NKTR: variants seen among roughly 807,000 people sequenced by gnomAD.
The protein encoded by NKTR is NK-tumor recognition protein.
In NKTR, 67 loss-of-function variants were observed where a neutral mutation model predicts 156.3. The ratio of observed to expected loss-of-function variants is 0.43; its 90% CI spans 0.35 to 0.53. The LOEUF is 0.53. Among genes scored for constraint, NKTR ranks in the 20% least tolerant of loss-of-function variants. The pLI, the probability that NKTR is intolerant of heterozygous loss-of-function variation, is 0.01. For missense variants in NKTR, 1,604 were observed against 1,730.9 expected (o/e 0.93, Z 1.30); for synonymous variants, 640 against 596.6 (o/e 1.07, Z -1.06).
chr3:42,639,607 G>C lies in NKTR; in HGVS notation c.3903G>C (p.Gln1301His). Residue 1301 changes from glutamine (Q) to histidine (H), a missense_variant, in exon 13 of 17, where the codon CAG becomes CAC. Coordinates refer to ENST00000232978, the MANE Select transcript of NKTR (RefSeq NM_005385.4). ...ATCAGGAGAGTTCAAGTGATGAGCA[G>C]ACGCCTAGTCGGGATGATGATAGCC... ...PRNQESSSDE[Q>H]TPSRDDDSQS... 6.2e-7 allele frequency: 1 copy of C among 1,614,230 alleles called. No homozygotes were observed. Among genetic ancestry groups the C allele is most frequent in the Non-Finnish European group, 8.5e-7 (1 of 1,180,038 alleles).
chr3:42,607,969 C>CTT lies in NKTR; in HGVS notation c.58+6947_58+6948dup, dbSNP rs201803926. On this transcript the variant is annotated intron_variant, in intron 2 of 16. Transcript: ENST00000232978. ...TGCCAATCGCAAGTCCTGAGTCGCT[C>CTT]TTTTTTTTTTTTTTTTTTTTTTTTT... Among the ~76,000 whole-genome samples, 178 of 74,850 alleles carry CTT rather than the reference C, an allele frequency of 2.4e-3. 4 individuals are homozygous for CTT. Among genetic ancestry groups the CTT allele is most frequent in the Middle Eastern group, 9.4e-3 (1 of 106 alleles). 49.1% of individuals were successfully genotyped at this position (74,850 alleles called of 152,430 possible).
rs966684326 is a variant in NKTR, at chr3:42,628,649, G to A, written c.375-1897G>A. The A allele has an allele frequency of 1.0e-5, 10 of 985,322 alleles. No homozygotes were observed. The South Asian group carries it at 2.3e-4, about 23-fold the overall frequency. The allele number at this position is 985,322 out of a possible 1,614,324, so 61.0% of individuals were successfully genotyped here. On this transcript the variant is annotated intron_variant, in intron 6 of 16. Coordinates refer to ENST00000232978, the MANE Select transcript of NKTR (RefSeq NM_005385.4). The stretch of plus-strand genomic sequence containing the variant: ...GTATCTAATCAGGAAACCATACATC[G>A]TTTTTACTTCTAAATATTTGGGGCT...
At chr3:42,625,428 G>T (rs1708285823) in intron 6 of NKTR, among the ~76,000 whole-genome samples, 1 of 146,314 alleles carries the variant, frequency 6.8e-6, no homozygotes, top group South Asian at 2.2e-4. Context: ...TAGGGCAATG[G>T]GGGGGCGGGG....
intron 5 of NKTR, chr3:42,620,644 T>A: frequency 1.0e-6 from 1 of 982,136 alleles, no homozygotes; most frequent in Non-Finnish European, 1.2e-6. Flanking sequence ...AAAGGACATA[T>A]AAGTTAGTTT....
rs1391057186 is a variant in NKTR at position 42,646,860 on chromosome 3, T to TG, written c.*891dup. 13 of 152,450 alleles carry TG rather than the reference T, an allele frequency of 8.5e-5. No individual in the cohort carries two copies. Among genetic ancestry groups the TG allele is most frequent in the African/African-American group, 2.9e-4 (12 of 41,430 alleles). 9.4% of individuals were successfully genotyped at this position (152,450 alleles called of 1,614,324 possible). A position where few individuals can be genotyped will look rare whatever the true frequency, so the allele number is the denominator to read the frequency against. On this transcript the variant is annotated 3_prime_UTR_variant, in exon 17 of 17. Transcript: ENST00000232978. The stretch of plus-strand genomic sequence containing the variant: ...CTGAGCTGTCTTCACTTTGACTATT[T>TG]GGGGGGCTTCTCTCAAGTACAGATG...
intron 14 of NKTR, 73 bp from the exon 15 acceptor site, chr3:42,643,266 A>G (rs1710049561): frequency 8.5e-7 from 1 of 1,170,778 alleles, no homozygotes; most frequent in East Asian, 2.4e-5. Flanking sequence ...GGGCAAATAA[A>G]TGTCTAGATA....
rs1433076475 is a variant in NKTR at position 42,637,105 on chromosome 3, C to A, written c.1401C>A (p.Ser467=). The A allele has an allele frequency of 1.9e-6, 3 of 1,606,930 alleles. No individual in the cohort carries two copies. The highest frequency in any genetic ancestry group is 1.7e-6 in the Non-Finnish European group (2 of 1,177,962). Reference sequence around the variant, plus strand: ...TTCTTATACCGTCTGACATAGAATCCTCAAAATCTTCCACTCGAAGAATGA... The same window carrying A: ...TTCTTATACCGTCTGACATAGAATCATCAAAATCTTCCACTCGAAGAATGA... The part of the protein sequence containing the change: ...RRILIPSDIE[S]SKSSTRRMKS... Residue 467 remains serine (S), a synonymous_variant, in exon 13 of 17, where the codon TCC becomes TCA. Coordinates refer to ENST00000232978, the MANE Select transcript of NKTR (RefSeq NM_005385.4).
chr3:42,628,183 GTA>G, intron 6 of NKTR: 1 of 985,324 alleles, frequency 1.0e-6, no homozygotes, highest in South Asian at 4.7e-5. Context: ...TTATATTTCT[GTA>G]TCTTGAGTTG....
Position 42,642,515 on chromosome 3 carries a change from C to G in NKTR, c.4061C>G (p.Ser1354Cys). 6.2e-7 allele frequency: 1 copy of G among 1,613,242 alleles called. No individual in the cohort carries two copies. The highest frequency in any genetic ancestry group is 8.5e-7 in the Non-Finnish European group (1 of 1,179,202). The change falls in exon 14 of 17, where the codon TCT (serine) becomes TGT (cysteine). Residue 1354 changes from serine (S) to cysteine (C), a missense_variant. Coordinates refer to ENST00000232978, the MANE Select transcript of NKTR (RefSeq NM_005385.4). ...TTTAATTGTAGATCAAGAAGCTACT[C>G]TAGAAGTCGGAGCAGAGGATGGTAC... Reference protein sequence around the residue: ...STSSYRSRSYSRSRSRGWYSR... With the variant: ...STSSYRSRSYCRSRSRGWYSR...
Position 42,631,165 on chromosome 3 carries a change from T to C in NKTR, c.405-6T>C, listed in dbSNP as rs759709399. ...CCAGTTGTTTCTTGAATTTGTATTA[T>C]GACAGGGTGCATGTAGTCTTTGGAC... On this transcript the variant is annotated splice_polypyrimidine_tract_variant and splice_region_variant and intron_variant, in intron 7 of 16. Transcript: ENST00000232978. 10 of 1,613,358 alleles carry C rather than the reference T, an allele frequency of 6.2e-6. No homozygotes were observed. The Middle Eastern group carries it at 8.2e-4, about 133-fold the overall frequency.
intron 2 of NKTR, 133 bp from the exon 3 acceptor site, chr3:42,617,437 C>T: frequency 1.8e-6 from 1 of 566,098 alleles, no homozygotes. Flanking sequence ...AATGCTTTCC[C>T]ATTACATCTT....
At chr3:42,600,946 G>C in intron 1 of NKTR, 38 bp from the exon 2 acceptor site, 3 of 1,159,148 alleles carry the variant, frequency 2.6e-6, no homozygotes, top group Non-Finnish European at 3.5e-6. Context: ...CCCCGCCCTC[G>C]CCCCTGCCCT....
Position 42,633,407 on chromosome 3 carries a change from T to G in NKTR, c.774-173T>G, listed in dbSNP as rs1312986020. 12 of 1,373,494 alleles carry G rather than the reference T, an allele frequency of 8.7e-6. 1 individual carries two copies. The highest frequency in any genetic ancestry group is 1.0e-5 in the Non-Finnish European group (11 of 1,066,406). 85.1% of individuals were successfully genotyped at this position (1,373,494 alleles called of 1,614,324 possible). On this transcript the variant is annotated intron_variant, in intron 9 of 16. Coordinates refer to ENST00000232978, the MANE Select transcript of NKTR (RefSeq NM_005385.4). ...AATTTTCCTATCAAAATTCTAGTCT[T>G]TGGGTTTTTCACTGGGTTGATATTG...
intron 15 of NKTR, 177 bp downstream of exon 15, chr3:42,643,572 T>G: frequency 1.6e-6 from 1 of 638,210 alleles, no homozygotes; most frequent in East Asian, 2.7e-5. Context: ...CCCATTGTAC[T>G]CCAGTGTCAA....
In NKTR at chr3:42,637,001, GA is replaced by G. The variant is rs867098093; in HGVS notation, c.1304del (p.Lys435ArgfsTer31). On this transcript the variant is annotated frameshift_variant, in exon 13 of 17. Coordinates refer to ENST00000232978, the MANE Select transcript of NKTR (RefSeq NM_005385.4). LOFTEE classifies it high-confidence loss of function. ...HSGHHKKRRK[E>X]KKVKHKKKGK... The stretch of plus-strand genomic sequence containing the variant: ...TGGCCACCATAAAAAACGCAGAAAA[GA>G]AAAAAAGGTTAAGCATAAAAAGAAA... The G allele has an allele frequency of 1.9e-6, 3 of 1,611,426 alleles. No individual in the cohort carries two copies. The highest frequency in any genetic ancestry group is 1.3e-5 in the African/African-American group (1 of 74,524).
intron 1 of NKTR, 74 bp from the exon 2 acceptor site, chr3:42,600,910 A>C: frequency 1.1e-6 from 1 of 917,704 alleles, no homozygotes; most frequent in Non-Finnish European, 1.5e-6. Flanking sequence ...ACTTCGTCTC[A>C]GCCCCGCCCT....
intron 7 of NKTR, chr3:42,630,868 C>G: frequency 1.5e-6 from 2 of 1,365,742 alleles, no homozygotes; most frequent in Non-Finnish European, 1.9e-6. Context: ...AGTACAATAT[C>G]ATGTGTCCCT....
At chr3:42,612,805 G>A (rs996691549) in intron 2 of NKTR, among the ~76,000 whole-genome samples, 1 of 151,874 alleles carries the variant, frequency 6.6e-6, no homozygotes, top group Non-Finnish European at 1.5e-5. Flanking sequence ...CTTTGTGAAC[G>A]ATATGATTCT....
chr3:42,641,556 A>G (rs1709883933), intron 13 of NKTR, among the ~76,000 whole-genome samples: 1 of 152,152 alleles, frequency 6.6e-6, no homozygotes, highest in Admixed American at 6.5e-5. Context: ...TATATAATAC[A>G]TACTCATGTA....
Sources: allele counts gnomAD v4.1 joint callset (sites outside exome capture counted in the v4.1 genomes callset), GRCh38; gene constraint gnomAD v4.1.1; transcripts MANE v1.5; gene names NCBI Gene and HGNC (gene_info 2026-07-23, HGNC 2026-07-21).